NRXN1: variants seen among roughly 807,000 people sequenced by gnomAD.
NRXN1 encodes neurexin 1.
Under a neutral mutation model 150.9 loss-of-function variants are expected in NRXN1, and 39 were observed. That is an observed-to-expected ratio of 0.26 (90% CI 0.20 to 0.34). The LOEUF (loss-of-function observed/expected upper bound fraction) is 0.34. Ranked by LOEUF, NRXN1 falls within the 10% of genes least tolerant of loss-of-function variation. The probability of loss-of-function intolerance (pLI) is 1.00; values close to 1 mark genes in which losing one functional copy is unlikely to be tolerated. For synonymous variants in NRXN1, 924 were observed against 757.0 expected (o/e 1.22, Z -3.62); for missense variants, 1,815 against 1,949.9 (o/e 0.93, Z 1.30).
At chr2:51,021,270 G>T (rs1157162662) in intron 2 of NRXN1, among the ~76,000 whole-genome samples, 1 of 151,962 alleles carries the variant, frequency 6.6e-6, no homozygotes, top group African/African-American at 2.4e-5. Context: ...GTAATAAAAT[G>T]AAACCTGAAT....
intron 5 of NRXN1, among the ~76,000 whole-genome samples, chr2:50,715,920 T>G (rs1392613644): frequency 6.6e-6 from 1 of 152,148 alleles, no homozygotes; most frequent in Non-Finnish European, 1.5e-5. Flanking sequence ...ATATACACAT[T>G]CTTTTTCACA....
chr2:50,940,396 A>G (rs899149958), intron 2 of NRXN1, among the ~76,000 whole-genome samples: 2 of 149,726 alleles, frequency 1.3e-5, no homozygotes, highest in Non-Finnish European at 3.0e-5. Flanking sequence ...AACTGCTTGA[A>G]CCCGGGAGGT....
At chr2:50,972,547 T>C (rs1695178018) in intron 2 of NRXN1, among the ~76,000 whole-genome samples, 1 of 152,136 alleles carries the variant, frequency 6.6e-6, no homozygotes, top group Non-Finnish European at 1.5e-5. Flanking sequence ...TTTATTTCTA[T>C]TATTATTACA....
At chr2:50,572,856 G>C (rs1670858874) in intron 8 of NRXN1, among the ~76,000 whole-genome samples, 2 of 152,198 alleles carry the variant, frequency 1.3e-5, no homozygotes, top group South Asian at 4.2e-4. Context: ...GAGGGTCAAG[G>C]TATTGAGACA....
At chr2:50,307,046 G>C (rs551164310) in intron 17 of NRXN1, among the ~76,000 whole-genome samples, 6 of 151,914 alleles carry the variant, frequency 3.9e-5, no homozygotes, top group Non-Finnish European at 8.8e-5. Flanking sequence ...GTGCAGTGGC[G>C]TGATCTTGGC....
At chr2:50,279,028 T>C (rs1184757713) in intron 17 of NRXN1, among the ~76,000 whole-genome samples, 1 of 152,218 alleles carries the variant, frequency 6.6e-6, no homozygotes, top group Non-Finnish European at 1.5e-5. Flanking sequence ...TTTTTATATT[T>C]TAAGGCTTAA....
intron 2 of NRXN1, among the ~76,000 whole-genome samples, chr2:50,930,942 G>A (rs1211475139): frequency 6.6e-6 from 1 of 152,116 alleles, no homozygotes; most frequent in Non-Finnish European, 1.5e-5. Flanking sequence ...TTAGGATACA[G>A]AGCAAGAAAG....
At chr2:49,931,111 G>T (rs937818392) in intron 22 of NRXN1, among the ~76,000 whole-genome samples, 1 of 152,190 alleles carries the variant, frequency 6.6e-6, no homozygotes, top group Admixed American at 6.5e-5. Flanking sequence ...CAGCCTGGGA[G>T]ACAGAGCAAG....
intron 18 of NRXN1, among the ~76,000 whole-genome samples, chr2:50,164,883 T>C (rs888123044): frequency 7.9e-5 from 12 of 152,306 alleles, no homozygotes; most frequent in African/African-American, 2.6e-4. Flanking sequence ...GGCATGTCAC[T>C]TCCAGGGCTC....
chr2:50,568,104 C>G (rs1394144454), intron 8 of NRXN1, among the ~76,000 whole-genome samples: 2 of 152,098 alleles, frequency 1.3e-5, no homozygotes, highest in South Asian at 4.1e-4. Context: ...ATTATAGAAA[C>G]AAACCAAGCC....
chr2:50,337,643 C>T (rs1298720564), intron 17 of NRXN1, among the ~76,000 whole-genome samples: 1 of 152,146 alleles, frequency 6.6e-6, no homozygotes, highest in African/African-American at 2.4e-5. Context: ...TGGCCATTTA[C>T]TACCATTTTA....
At chr2:50,759,953 A>C (rs1177090650) in intron 5 of NRXN1, among the ~76,000 whole-genome samples, 1 of 151,704 alleles carries the variant, frequency 6.6e-6, no homozygotes, top group Non-Finnish European at 1.5e-5. Flanking sequence ...TTGGAGGGAC[A>C]GGTGTTATCC....
At chr2:50,203,301 T>A (rs768231252) in intron 18 of NRXN1, among the ~76,000 whole-genome samples, 1 of 152,150 alleles carries the variant, frequency 6.6e-6, no homozygotes, top group African/African-American at 2.4e-5. Context: ...AACAACCTAG[T>A]GTAGGAAACA....
Position 50,053,280 on chromosome 2 carries a change from G to C in NRXN1, c.4119C>G (p.Pro1373=). The change falls in exon 21 of 23, where the codon CCC becomes CCG. Residue 1373 remains proline, a synonymous_variant. Transcript: ENST00000401669. ...AAATCCACAGGCTCACCTGGCTAAT[G>C]GGTTCTTTTGTCGGGGGCTTTCCTC... ...ARRGKPPTKE[P]ISQTTDDILV... 1.9e-6 allele frequency: 3 copies of C among 1,613,914 alleles called. No individual in the cohort carries two copies. The highest frequency in any genetic ancestry group is 2.5e-6 in the Non-Finnish European group (3 of 1,179,844).
Position 50,347,249 on chromosome 2 carries a change from A to G in NRXN1, c.3365-110279T>C. On this transcript the variant is annotated intron_variant, in intron 17 of 22. Coordinates refer to ENST00000401669, the MANE Select transcript of NRXN1 (RefSeq NM_001330078.2). The surrounding 1 kb of genome is among the most constrained non-coding windows in gnomAD (Gnocchi z 4.9). Reference sequence around the variant, plus strand: ...AGCGGGTGGCTGCTCCCAGATTTCCAGGGCTCCAGGTTCTCGAGAGATACT... The same window carrying G: ...AGCGGGTGGCTGCTCCCAGATTTCCGGGGCTCCAGGTTCTCGAGAGATACT... 1 of 1,322,184 alleles carries G rather than the reference A, an allele frequency of 7.6e-7. No individual in the cohort carries two copies. Among genetic ancestry groups the G allele is most frequent in the Middle Eastern group, 2.1e-4 (1 of 4,860 alleles). 81.9% of individuals were successfully genotyped at this position (1,322,184 alleles called of 1,614,324 possible).
At chr2:50,021,982 C>T (rs2152560536) in intron 21 of NRXN1, among the ~76,000 whole-genome samples, 1 of 152,318 alleles carries the variant, frequency 6.6e-6, no homozygotes, top group Non-Finnish European at 1.5e-5. Flanking sequence ...TCCCGAGTAG[C>T]TGGGACTACA....
chr2:50,187,813 G>C (rs767925053), intron 18 of NRXN1, among the ~76,000 whole-genome samples: 4 of 152,020 alleles, frequency 2.6e-5, no homozygotes, highest in East Asian at 1.9e-4. Context: ...TTGTAAGTTG[G>C]ATTCCTAGGT....
At chr2:49,998,760 T>G (rs1031467370) in intron 21 of NRXN1, among the ~76,000 whole-genome samples, 3 of 152,134 alleles carry the variant, frequency 2.0e-5, no homozygotes, top group Non-Finnish European at 2.9e-5. Context: ...GGGATTGCTG[T>G]GGTGTATGGA....
intron 17 of NRXN1, among the ~76,000 whole-genome samples, chr2:50,453,420 T>C (rs545754604): frequency 1.1e-4 from 17 of 152,166 alleles, no homozygotes; most frequent in Non-Finnish European, 8.8e-5. Flanking sequence ...TTCTTTTTGA[T>C]TCAGGTAGAC....
Sources: allele counts gnomAD v4.1 joint callset (sites outside exome capture counted in the v4.1 genomes callset), GRCh38; gene constraint gnomAD v4.1.1; non-coding constraint Gnocchi (gnomAD v3.1); transcripts MANE v1.5; gene names NCBI Gene and HGNC (gene_info 2026-07-23, HGNC 2026-07-21).